CCDC112: variants seen among roughly 807,000 people sequenced by gnomAD.
CCDC112 encodes the protein coiled-coil domain-containing protein 112.
In CCDC112, 40 loss-of-function variants were observed where a neutral mutation model predicts 66.3. The observed-to-expected ratio is 0.60, with a 90% confidence interval of 0.47 to 0.79. The LOEUF is 0.79. CCDC112 is among the 30% of genes least tolerant of loss of function. CCDC112 has a pLI of 0.00. For missense variants in CCDC112, 659 were observed against 603.8 expected (o/e 1.09, Z -0.96); for synonymous variants, 214 against 197.2 (o/e 1.09, Z -0.71).
chr5:115,278,340 A>G (rs1294115709), intron 3 of CCDC112, among the ~76,000 whole-genome samples: 1 of 152,062 alleles, frequency 6.6e-6, no homozygotes, highest in African/African-American at 2.4e-5. Flanking sequence ...ATTGGAGGTA[A>G]GGAATAGGTA....
chr5:115,269,794 A>G lies in CCDC112; in HGVS notation c.1337T>C (p.Leu446Ser). 1.9e-6 allele frequency: 3 copies of G among 1,545,666 alleles called. No homozygotes were observed. The highest frequency in any genetic ancestry group is 2.5e-5 in the South Asian group (2 of 81,408). Reference protein sequence around the residue: ...DEISRFQERDLHKLELKILDR... With the variant: ...DEISRFQERDSHKLELKILDR... ...TAGAATTTTCAGTTCAAGTTTATGT[A>G]AATCCTTAAAAAAAAAAACCCATAG... Residue 446 changes from leucine (L) to serine (S), a missense_variant, in exon 8 of 10, where the codon TTA becomes TCA. Transcript: ENST00000379611.
intron 1 of CCDC112, chr5:115,295,900 A>AC (rs1750133240): frequency 8.1e-6 from 8 of 985,606 alleles, no homozygotes; most frequent in Non-Finnish European, 8.4e-6. Flanking sequence ...TAACATCTGA[A>AC]CAAAGATACC....
At chr5:115,273,337 T>C (rs994532305) in intron 6 of CCDC112, among the ~76,000 whole-genome samples, 6 of 152,310 alleles carry the variant, frequency 3.9e-5, no homozygotes, top group Non-Finnish European at 7.4e-5. Context: ...TCTTCACTTA[T>C]TAAAAACACA....
chr5:115,277,044 G>C lies in CCDC112; in HGVS notation c.372C>G (p.Ile124Met), dbSNP rs969686564. ...IHSRKTERAK[I>M]QQQLAKIHNN... ...TATGTATTTTGGCCAATTGTTGCTGGATTTTTGCTCCTATAAGAAAGAAGT... is the reference window on the plus strand; with the variant it reads ...TATGTATTTTGGCCAATTGTTGCTGCATTTTTGCTCCTATAAGAAAGAAGT... Residue 124 changes from isoleucine to methionine, a missense_variant, in exon 4 of 10, where the codon ATC becomes ATG. Physicochemically the swap from Ile to Met is conservative, Grantham distance 10 (BLOSUM62 1). Coordinates refer to ENST00000379611, the MANE Select transcript of CCDC112 (RefSeq NM_001040440.3). 2.5e-6 allele frequency: 4 copies of C among 1,603,018 alleles called. No individual in the cohort carries two copies. The highest frequency in any genetic ancestry group is 1.7e-5 in the Admixed American group (1 of 59,868).
In CCDC112 at chr5:115,296,462, C is replaced by G. The variant is rs1750162969; in HGVS notation, c.82G>C (p.Gly28Arg). 2 of 1,558,348 alleles carry G rather than the reference C, an allele frequency of 1.3e-6. No individual in the cohort carries two copies. Among genetic ancestry groups the G allele is most frequent in the Non-Finnish European group, 1.7e-6 (2 of 1,159,794 alleles). Reference sequence around the variant, plus strand: ...GCTGGCGTCGCTCCCACGCCGGTCCCGGTGGCCGCGCCCGCCCCTGCCACA... The same window carrying G: ...GCTGGCGTCGCTCCCACGCCGGTCCGGGTGGCCGCGCCCGCCCCTGCCACA... Reference protein sequence around the residue: ...GAVAGAGAATGTGVGATPAPQ... With the variant: ...GAVAGAGAATRTGVGATPAPQ... Residue 28 changes from glycine to arginine, a missense_variant, in exon 1 of 10, where the codon GGG becomes CGG. Physicochemically the swap from Gly to Arg is moderately radical, Grantham distance 125 (BLOSUM62 -2). Coordinates refer to ENST00000379611, the MANE Select transcript of CCDC112 (RefSeq NM_001040440.3).
intron 1 of CCDC112, among the ~76,000 whole-genome samples, chr5:115,292,251 A>G (rs1436452810): frequency 6.6e-6 from 1 of 151,934 alleles, no homozygotes; most frequent in East Asian, 1.9e-4. Flanking sequence ...AGGTTTGTTG[A>G]TACTTTCTTC....
chr5:115,284,968 T>C, intron 1 of CCDC112, 60 bp from the exon 2 acceptor site: 1 of 1,495,664 alleles, frequency 6.7e-7, no homozygotes, highest in East Asian at 2.3e-5. Flanking sequence ...AAATGTGGAA[T>C]TTTTTCAGAG....
intron 1 of CCDC112, among the ~76,000 whole-genome samples, chr5:115,287,461 A>G (rs569044941): frequency 6.6e-6 from 1 of 152,276 alleles, no homozygotes; most frequent in East Asian, 1.9e-4. Flanking sequence ...GTAGGCCCCA[A>G]AAGACCAGAC....
intron 2 of CCDC112, among the ~76,000 whole-genome samples, chr5:115,280,008 A>G (rs1253732463): frequency 6.6e-6 from 1 of 152,242 alleles, no homozygotes; most frequent in East Asian, 1.9e-4. Flanking sequence ...TAAAATGATA[A>G]TTTAAGAAAA....
chr5:115,278,413 T>C (rs1749300271), intron 3 of CCDC112, among the ~76,000 whole-genome samples: 1 of 152,050 alleles, frequency 6.6e-6, no homozygotes, highest in Admixed American at 6.5e-5. Context: ...AAGCATTCTT[T>C]ACTCTCCTAG....
In CCDC112 at chr5:115,283,487, A is replaced by G. The variant is rs534269411; in HGVS notation, c.239+1300T>C. Among the ~76,000 whole-genome samples the G allele has an allele frequency of 1.2e-4, 19 of 152,272 alleles. 1 individual carries two copies. In the South Asian group the frequency reaches 3.9e-3, roughly 32 times the overall value. On this transcript the variant is annotated intron_variant, in intron 2 of 9. Coordinates refer to ENST00000379611, the MANE Select transcript of CCDC112 (RefSeq NM_001040440.3). ...TATTCTCAACCCTTCACGCACACACAAGGTAACTATGTGAAGTGATGGATA... is the reference window on the plus strand; with the variant it reads ...TATTCTCAACCCTTCACGCACACACGAGGTAACTATGTGAAGTGATGGATA...
In CCDC112 at chr5:115,288,487, A is replaced by G. The variant is rs1002714350; in HGVS notation, c.118-3579T>C. 5.3e-5 allele frequency among the ~76,000 whole-genome samples: 8 copies of G among 152,362 alleles called. No homozygotes were observed. In the South Asian group the frequency reaches 8.3e-4, roughly 16 times the overall value. On this transcript the variant is annotated intron_variant, in intron 1 of 9. Coordinates refer to ENST00000379611, the MANE Select transcript of CCDC112 (RefSeq NM_001040440.3). ...ACTAACAATGTTATTAGGAAAATAT[A>G]GGACTACCATAACCAAAGATGTCAC... is the stretch of plus-strand genomic sequence containing the variant.
At chr5:115,273,526 A>AT (rs1208590756) in intron 6 of CCDC112, among the ~76,000 whole-genome samples, 1 of 152,140 alleles carries the variant, frequency 6.6e-6, no homozygotes, top group African/African-American at 2.4e-5. Flanking sequence ...TCTCACCCCT[A>AT]TGTCCTGCTC....
intron 2 of CCDC112, among the ~76,000 whole-genome samples, chr5:115,280,726 T>G (rs1270114639): frequency 6.6e-6 from 1 of 151,974 alleles, no homozygotes; most frequent in East Asian, 1.9e-4. Flanking sequence ...CAGCTAATTT[T>G]TTTTTTTGAT....
intron 1 of CCDC112, among the ~76,000 whole-genome samples, chr5:115,286,389 C>T (rs752940301): frequency 6.6e-6 from 1 of 152,224 alleles, no homozygotes; most frequent in African/African-American, 2.4e-5. Context: ...TTCCTTCTTA[C>T]AGCTGAATAA....
At chr5:115,295,290 C>G (rs1346314818) in intron 1 of CCDC112, among the ~76,000 whole-genome samples, 1 of 152,120 alleles carries the variant, frequency 6.6e-6, no homozygotes, top group Non-Finnish European at 1.5e-5. Flanking sequence ...AACATTGCTA[C>G]AAGAATTTAG....
chr5:115,267,840 T>A lies in CCDC112; in HGVS notation c.*36A>T. ...CTCTCCCTGGTATAACTTAGTATGT[T>A]AACATTCTTATCAACTGAGTAGCAA... On this transcript the variant is annotated 3_prime_UTR_variant, in exon 10 of 10. Coordinates refer to ENST00000379611, the MANE Select transcript of CCDC112 (RefSeq NM_001040440.3). 3 of 1,542,514 alleles carry A rather than the reference T, an allele frequency of 1.9e-6. No individual in the cohort carries two copies. The highest frequency in any genetic ancestry group is 1.8e-6 in the Non-Finnish European group (2 of 1,115,260).
intron 2 of CCDC112, among the ~76,000 whole-genome samples, 178 bp downstream of exon 2, chr5:115,284,609 T>C (rs964523818): frequency 6.6e-6 from 1 of 152,196 alleles, no homozygotes; most frequent in African/African-American, 2.4e-5. Context: ...CAATTAACTT[T>C]ATATTGAACA....
chr5:115,272,268 C>A (rs964369718), intron 6 of CCDC112, among the ~76,000 whole-genome samples: 7 of 152,134 alleles, frequency 4.6e-5, no homozygotes, highest in African/African-American at 1.7e-4. Flanking sequence ...TTCCTCTGAT[C>A]ATCTCATTTC....
Sources: gnomAD v4.1 joint callset for allele counts (sites outside exome capture counted in the v4.1 genomes callset) on GRCh38, gnomAD v4.1.1 for gene constraint, MANE v1.5 for transcripts, NCBI Gene and HGNC (gene_info 2026-07-23, HGNC 2026-07-21) for gene names.